Variants in CDC42BPB observed in about 807,000 individuals in gnomAD.
CDC42BPB encodes serine/threonine-protein kinase MRCK beta.
A neutral mutation model predicts 214.9 loss-of-function variants in CDC42BPB; 37 were observed. The ratio of observed to expected loss-of-function variants is 0.17; its 90% CI spans 0.13 to 0.23. CDC42BPB has a LOEUF of 0.23. CDC42BPB is among the 10% of genes least tolerant of loss of function. The pLI, the probability that CDC42BPB is intolerant of heterozygous loss-of-function variation, is 1.00. For missense variants in CDC42BPB, 1,694 were observed against 2,227.0 expected, an observed-to-expected ratio of 0.76 and a Z score of 4.82; for synonymous variants, 931 against 884.0, an observed-to-expected ratio of 1.05 and a Z score of -0.94.
chr14:102,993,735 T>G (rs1894601866), intron 5 of CDC42BPB, among the ~76,000 whole-genome samples: 1 of 152,180 alleles, frequency 6.6e-6, no homozygotes, highest in African/African-American at 2.4e-5. Flanking sequence ...AGATGACCAG[T>G]TTTATGACAA....
chr14:102,953,899 G>A lies in CDC42BPB; in HGVS notation c.3066+299C>T, dbSNP rs34779363. On this transcript the variant is annotated intron_variant, in intron 23 of 36. Coordinates refer to ENST00000361246, the MANE Select transcript of CDC42BPB (RefSeq NM_006035.4). ...GAGAAGTAAGCTGCCTACCTGTGGA[G>A]AGGGGAATATGGCTTGGGGAATGAG... Among the ~76,000 whole-genome samples, 1,302 of 152,336 alleles carry A rather than the reference G, an allele frequency of 8.5e-3. 22 individuals are homozygous for A. The highest frequency in any genetic ancestry group is 0.029 in the African/African-American group (1,211 of 41,582).
At chr14:102,937,500 A>ATCCCTCCC (rs1264650897) in intron 36 of CDC42BPB, among the ~76,000 whole-genome samples, 3 of 152,138 alleles carry the variant, frequency 2.0e-5, no homozygotes, top group African/African-American at 4.8e-5. Context: ...CTCCGCCTGC[A>ATCCCTCCC]TCCCTCCCTC....
intron 8 of CDC42BPB, among the ~76,000 whole-genome samples, chr14:102,978,886 A>G (rs1893875530): frequency 6.6e-6 from 1 of 152,180 alleles, no homozygotes. Flanking sequence ...ACGTGCCTGT[A>G]ATCCCAGCTA....
At chr14:103,038,164 G>A (rs1348376947) in intron 1 of CDC42BPB, among the ~76,000 whole-genome samples, 1 of 151,068 alleles carries the variant, frequency 6.6e-6, no homozygotes, top group Non-Finnish European at 1.5e-5. Flanking sequence ...GCGAAACCCC[G>A]TCTCTACTAA....
At position 102,932,892 on chromosome 14, in the gene CDC42BPB, A is replaced by AGGGGG. The variant is rs1566832723; in HGVS notation, c.*819_*820insCCCCC. On this transcript the variant is annotated 3_prime_UTR_variant, in exon 37 of 37. Transcript: ENST00000361246. The stretch of plus-strand genomic sequence containing the variant: ...AGGACTGGTGGGGGGGGGGGCGGGC[A>AGGGGG]GGGCGGGGCGGGGTGGGGTATCCCA... 1 of 4,452 alleles carries AGGGGG rather than the reference A, an allele frequency of 2.2e-4. No individual in the cohort carries two copies. Among genetic ancestry groups the AGGGGG allele is most frequent in the Non-Finnish European group, 5.2e-4 (1 of 1,928 alleles). The allele number at this position is 4,452 out of a possible 1,614,324, so 0.3% of individuals were successfully genotyped here. A position where few individuals can be genotyped will look rare whatever the true frequency, so the allele number is the denominator to read the frequency against.
At chr14:102,998,896 G>A (rs1894859095) in intron 5 of CDC42BPB, among the ~76,000 whole-genome samples, 1 of 151,926 alleles carries the variant, frequency 6.6e-6, no homozygotes, top group South Asian at 2.1e-4. Context: ...GCCCCAGGGA[G>A]CACAGGCATT....
At chr14:103,024,614 C>T (rs1886947630) in intron 1 of CDC42BPB, among the ~76,000 whole-genome samples, 1 of 152,220 alleles carries the variant, frequency 6.6e-6, no homozygotes, top group African/African-American at 2.4e-5. Context: ...ATAGTCCTTC[C>T]TATTTGACAG....
chr14:103,040,560 G>T (rs1021259017), intron 1 of CDC42BPB, among the ~76,000 whole-genome samples: 1 of 151,920 alleles, frequency 6.6e-6, no homozygotes, highest in Non-Finnish European at 1.5e-5. Flanking sequence ...CCGGGTTCAG[G>T]CGATTCTTTC....
intron 7 of CDC42BPB, among the ~76,000 whole-genome samples, chr14:102,981,641 G>A (rs547141298): frequency 1.7e-3 from 266 of 152,220 alleles, no homozygotes; most frequent in Admixed American, 5.9e-3. Context: ...ATTACCGGGC[G>A]TGGTGGCGGC....
At chr14:102,954,732 C>A in intron 21 of CDC42BPB, 44 bp from the exon 22 acceptor site, 2 of 1,583,876 alleles carry the variant, frequency 1.3e-6, no homozygotes, top group Non-Finnish European at 1.7e-6. Context: ...AGGACATATT[C>A]TACATGATCC....
At chr14:103,032,577 G>A (rs2139711062) in intron 1 of CDC42BPB, among the ~76,000 whole-genome samples, 1 of 137,816 alleles carries the variant, frequency 7.3e-6, no homozygotes, top group Admixed American at 7.3e-5. Context: ...AGAGCTTACA[G>A]ATTAAAAGAG....
At chr14:102,950,773 C>G (rs935870899) in intron 24 of CDC42BPB, 171 bp from the exon 25 acceptor site, 1 of 728,596 alleles carries the variant, frequency 1.4e-6, no homozygotes, top group Non-Finnish European at 1.7e-6. Context: ...TGAGACCAGC[C>G]TGGCCAACAT....
intron 1 of CDC42BPB, among the ~76,000 whole-genome samples, chr14:103,046,995 GT>G (rs1888325899): frequency 6.6e-6 from 1 of 150,990 alleles, no homozygotes; most frequent in African/African-American, 2.4e-5. Flanking sequence ...TCATTTTTAA[GT>G]GTTCTTGGCT....
At chr14:102,956,545 A>G in intron 21 of CDC42BPB, 1 of 341,504 alleles carries the variant, frequency 2.9e-6, no homozygotes, top group Non-Finnish European at 4.1e-6. Flanking sequence ...CAGAGGGATT[A>G]GCGGCCAGGC....
chr14:102,970,389 A>C, intron 13 of CDC42BPB, 128 bp from the exon 14 acceptor site: 13 of 1,395,248 alleles, frequency 9.3e-6, no homozygotes, highest in African/African-American at 1.4e-5. Flanking sequence ...CCCTTCATCA[A>C]ATCTTATCAC....
rs1219291529 is a variant in CDC42BPB, at chr14:102,968,333, C to G, written c.2266G>C (p.Gly756Arg). 1.5e-5 allele frequency: 25 copies of G among 1,613,958 alleles called. No individual in the cohort carries two copies. The highest frequency in any genetic ancestry group is 2.1e-5 in the Non-Finnish European group (25 of 1,179,974). The change falls in exon 16 of 37, where the codon GGT becomes CGT. Residue 756 changes from glycine (G) to arginine (R), a missense_variant. Transcript: ENST00000361246. ...CGTTCGTATTTATCTTTTATTGTAC[C>G]TACTGCCTCCTCCATCTCGTTATGC... Reference protein sequence around the residue: ...ERHNEMEEAVGTIKDKYERER... With the variant: ...ERHNEMEEAVRTIKDKYERER...
At chr14:102,933,879 G>A (rs375495475) in intron 36 of CDC42BPB, 36 bp from the exon 37 acceptor site, 179 of 1,480,076 alleles carry the variant, frequency 1.2e-4, no homozygotes, top group Non-Finnish European at 1.5e-4. Flanking sequence ...AGCACCCGCT[G>A]CCCTAGCCTG....
At chr14:102,946,225 G>T (rs573641478) in intron 28 of CDC42BPB, among the ~76,000 whole-genome samples, 1 of 151,808 alleles carries the variant, frequency 6.6e-6, no homozygotes, top group Non-Finnish European at 1.5e-5. Context: ...GGGTTTCACC[G>T]TGTTAGCCAG....
intron 1 of CDC42BPB, among the ~76,000 whole-genome samples, chr14:103,028,487 G>A (rs139364824): frequency 2.6e-5 from 4 of 152,306 alleles, no homozygotes; most frequent in East Asian, 1.9e-4. Context: ...GCCCCAGCAC[G>A]CAGAGCCAGC....
Sources: gnomAD v4.1 joint callset for allele counts (sites outside exome capture counted in the v4.1 genomes callset) on GRCh38, gnomAD v4.1.1 for gene constraint, MANE v1.5 for transcripts, NCBI Gene and HGNC (gene_info 2026-07-23, HGNC 2026-07-21) for gene names.